CXorf66: variants seen among roughly 807,000 people sequenced by gnomAD.
CXorf66 encodes the protein uncharacterized protein CXorf66.
In CXorf66, 6 loss-of-function variants were observed where a neutral mutation model predicts 5.0. The ratio of observed to expected loss-of-function variants is 1.20; its 90% CI spans 0.65 to 2.36. The LOEUF (loss-of-function observed/expected upper bound fraction) is 2.36, where lower values mean the gene tolerates loss of function less well. Among genes scored for constraint, CXorf66 ranks in the 30% most tolerant of loss-of-function variants. CXorf66 has a pLI of 0.00. For missense variants in CXorf66, 270 were observed against 254.9 expected (o/e 1.06, Z -0.40); for synonymous variants, 98 against 102.8 (o/e 0.95, Z 0.28).
rs751727850 is a variant in CXorf66, at chrX:139,956,102, T to G, written c.880A>C (p.Thr294Pro). ...TTGCTTGAAACATGTAGGTTTTGAG[T>G]GTTTTTCTCCTTTGCCTCAGAAATA... is the stretch of plus-strand genomic sequence containing the variant. The part of the protein sequence containing the change: ...NDISEAKEKN[T>P]QNLHVSSKVK... The change falls in exon 3 of 3, where the codon ACT becomes CCT. Residue 294 changes from threonine to proline, a missense_variant. Physicochemically the swap from Thr to Pro is conservative, Grantham distance 38. Transcript: ENST00000370540. The G allele has an allele frequency of 8.3e-7, 1 of 1,211,289 alleles. No individual in the cohort carries two copies. Among genetic ancestry groups the G allele is most frequent in the Non-Finnish European group, 1.1e-6 (1 of 895,096 alleles).
At chrX:139,958,530 G>A (rs1379517626) in intron 1 of CXorf66, among the ~76,000 whole-genome samples, 2 of 111,353 alleles carry the variant, frequency 1.8e-5, no homozygotes, top group Non-Finnish European at 3.8e-5. Context: ...GTGTTAACGT[G>A]TGTGTGAATG....
At chrX:139,958,273 A>G (rs2085581329) in intron 1 of CXorf66, 56 bp from the exon 2 acceptor site, 1 of 888,082 alleles carries the variant, frequency 1.1e-6, no homozygotes, top group Non-Finnish European at 1.5e-6. Flanking sequence ...TTTTTTCCAC[A>G]TTGATAGTGG....
rs779039398 is a variant in CXorf66, at chrX:139,965,441, G to T, written c.56C>A (p.Thr19Asn). The T allele has an allele frequency of 4.3e-5, 52 of 1,206,353 alleles. No individual in the cohort carries two copies. The highest frequency in any genetic ancestry group is 3.4e-4 in the South Asian group (19 of 56,700). ...LLSIWKNNCM[T>N]TNQTNGSSTT... is the part of the protein sequence containing the mutation. ...AGAAGATCCATTGGTTTGGTTTGTA[G>T]TCATGCAATTATTTTTCCAAATGGA... The change falls in exon 1 of 3, where the codon ACT becomes AAT. Residue 19 changes from threonine (T) to asparagine (N), a missense_variant. By Grantham distance (65) the Thr-to-Asn change is moderately conservative (BLOSUM62 0). Coordinates refer to ENST00000370540, the MANE Select transcript of CXorf66 (RefSeq NM_001013403.3).
rs2085572509 is a variant in CXorf66, at chrX:139,956,243, T to A, written c.739A>T (p.Arg247Trp). 1 of 1,209,996 alleles carries A rather than the reference T, an allele frequency of 8.3e-7. No homozygotes were observed. Among genetic ancestry groups the A allele is most frequent in the Non-Finnish European group, 1.1e-6 (1 of 895,162 alleles). Residue 247 changes from arginine to tryptophan, a missense_variant, in exon 3 of 3, where the codon AGG becomes TGG. Transcript: ENST00000370540. The part of the protein sequence containing the change: ...AKPPKHFNPK[R>W]SVSLGRAALL... ...GCTGCCCTGCCTAGACTCACTGACCTTTTTGGATTAAAATGTTTGGGAGGC... is the reference window on the plus strand; with the variant it reads ...GCTGCCCTGCCTAGACTCACTGACCATTTTGGATTAAAATGTTTGGGAGGC...
At chrX:139,960,456 G>T (rs1214864960) in intron 1 of CXorf66, among the ~76,000 whole-genome samples, 2 of 110,738 alleles carry the variant, frequency 1.8e-5, no homozygotes, top group Non-Finnish European at 3.8e-5. Context: ...CGATTGATTG[G>T]TGCACCTGAA....
intron 1 of CXorf66, among the ~76,000 whole-genome samples, 172 bp downstream of exon 1, chrX:139,965,237 G>C (rs1017021636): frequency 9.0e-6 from 1 of 111,475 alleles, no homozygotes; most frequent in Non-Finnish European, 1.9e-5. Context: ...CTTATATTTT[G>C]CTTAAGTTTT....
chrX:139,956,096 T>C lies in CXorf66; in HGVS notation c.886A>G (p.Asn296Asp). 8.3e-7 allele frequency: 1 copy of C among 1,211,054 alleles called. No homozygotes were observed. Among genetic ancestry groups the C allele is most frequent in the South Asian group, 1.8e-5 (1 of 56,932 alleles). ...ISEAKEKNTQ[N>D]LHVSSKVKSS... ...TTGACTTTGCTTGAAACATGTAGGTTTTGAGTGTTTTTCTCCTTTGCCTCA... is the reference window on the plus strand; with the variant it reads ...TTGACTTTGCTTGAAACATGTAGGTCTTGAGTGTTTTTCTCCTTTGCCTCA... The change falls in exon 3 of 3, where the codon AAC becomes GAC. Residue 296 changes from asparagine (N) to aspartate (D), a missense_variant. By Grantham distance (23) the Asn-to-Asp change is conservative. Transcript: ENST00000370540.
intron 1 of CXorf66, among the ~76,000 whole-genome samples, chrX:139,959,287 T>A (rs2085585110): frequency 9.0e-6 from 1 of 111,620 alleles, no homozygotes; most frequent in Admixed American, 9.6e-5. Context: ...CTGACAGTGC[T>A]AAGGAGGCCA....
At chrX:139,960,011 C>T (rs1177820207) in intron 1 of CXorf66, among the ~76,000 whole-genome samples, 4 of 111,072 alleles carry the variant, frequency 3.6e-5, no homozygotes, top group Non-Finnish European at 7.5e-5. Context: ...ACCAAAATGT[C>T]TTTTCTCCTC....
intron 1 of CXorf66, among the ~76,000 whole-genome samples, 179 bp downstream of exon 1, chrX:139,965,229 TA>T (rs1362582390): frequency 1.8e-5 from 2 of 111,584 alleles, no homozygotes; most frequent in Non-Finnish European, 3.8e-5. Flanking sequence ...TCTTGATGCT[TA>T]TATTTTGCTT....
intron 1 of CXorf66, among the ~76,000 whole-genome samples, chrX:139,960,245 G>C (rs1228292752): frequency 9.2e-6 from 1 of 109,094 alleles, no homozygotes; most frequent in Non-Finnish European, 1.9e-5. Context: ...ACCTGATGGA[G>C]GTGAAAAACA....
intron 2 of CXorf66, among the ~76,000 whole-genome samples, chrX:139,957,189 A>G (rs1436608331): frequency 9.0e-6 from 1 of 111,727 alleles, no homozygotes; most frequent in African/African-American, 3.3e-5. Context: ...ACAAAAACAC[A>G]AAAACAGAAT....
intron 2 of CXorf66, among the ~76,000 whole-genome samples, chrX:139,957,167 A>G (rs60976540): frequency 0.11 from 12,082 of 111,404 alleles, 627 homozygotes; most frequent in East Asian, 0.4. Flanking sequence ...ACTCTGTCTC[A>G]AAAACAAACA....
At chrX:139,956,848 A>G (rs765739565) in intron 2 of CXorf66, 109 bp from the exon 3 acceptor site, 3 of 746,550 alleles carry the variant, frequency 4.0e-6, no homozygotes, top group African/African-American at 4.3e-5. Context: ...TGGGGCTTTA[A>G]TATGAAAACT....
chrX:139,958,149 C>A lies in CXorf66; in HGVS notation c.157G>T (p.Gly53Cys). 2 of 1,196,272 alleles carry A rather than the reference C, an allele frequency of 1.7e-6. No homozygotes were observed. The highest frequency in any genetic ancestry group is 2.3e-6 in the Non-Finnish European group (2 of 884,932). ...AAGACAAAAACCATGATGATAATAC[C>A]AACTAAAATGAGTAGATTTCTTCTA... is the stretch of plus-strand genomic sequence containing the variant. ...YLRRNLLILV[G>C]IIIMVFVFIC... The change falls in exon 2 of 3, where the codon GGT becomes TGT. Residue 53 changes from glycine (G) to cysteine (C), a missense_variant. Coordinates refer to ENST00000370540, the MANE Select transcript of CXorf66 (RefSeq NM_001013403.3).
At chrX:139,961,029 G>A (rs1334078693) in intron 1 of CXorf66, among the ~76,000 whole-genome samples, 1 of 111,628 alleles carries the variant, frequency 9.0e-6, no homozygotes, top group Non-Finnish European at 1.9e-5. Context: ...CAACTAATGT[G>A]CAAAATAACC....
chrX:139,963,224 C>T (rs1207270720), intron 1 of CXorf66, among the ~76,000 whole-genome samples: 1 of 111,992 alleles, frequency 8.9e-6, no homozygotes, highest in Non-Finnish European at 1.9e-5. Flanking sequence ...TCTCAGGATA[C>T]AAAATCAATG....
In CXorf66 at chrX:139,956,267, G is replaced by A. The variant is rs1175425258; in HGVS notation, c.715C>T (p.Pro239Ser). 8.3e-7 allele frequency: 1 copy of A among 1,211,769 alleles called. No homozygotes were observed. The highest frequency in any genetic ancestry group is 1.1e-6 in the Non-Finnish European group (1 of 895,457). The part of the protein sequence containing the change: ...KPFGPQELAK[P>S]PKHFNPKRSV... ...CTTTTTGGATTAAAATGTTTGGGAG[G>A]CTTAGCCAATTCCTGTGGACCGAAT... The change falls in exon 3 of 3, where the codon CCT becomes TCT. Residue 239 changes from proline to serine, a missense_variant. Coordinates refer to ENST00000370540, the MANE Select transcript of CXorf66 (RefSeq NM_001013403.3).
At chrX:139,963,931 T>C (rs1926632378) in intron 1 of CXorf66, among the ~76,000 whole-genome samples, 1 of 112,146 alleles carries the variant, frequency 8.9e-6, no homozygotes, top group African/African-American at 3.2e-5. Flanking sequence ...ATTAAAGACT[T>C]CAATGTAAAA....
Sources: gnomAD v4.1 joint callset for allele counts (sites outside exome capture counted in the v4.1 genomes callset) on GRCh38, gnomAD v4.1.1 for gene constraint, MANE v1.5 for transcripts, NCBI Gene and HGNC (gene_info 2026-07-23, HGNC 2026-07-21) for gene names.